Variants in DNM3 observed in about 807,000 individuals in gnomAD.
DNM3 encodes dynamin 3, also known as dynamin-3.
In DNM3, 47 loss-of-function variants were observed where a neutral mutation model predicts 101.6. The observed-to-expected ratio is 0.46, with a 90% CI of 0.37 to 0.59. The LOEUF is 0.59. Ranked by LOEUF, DNM3 falls within the 20% of genes least tolerant of loss-of-function variation. The pLI, the probability that DNM3 is intolerant of heterozygous loss-of-function variation, is 0.00. For synonymous variants in DNM3, 385 were observed against 387.9 expected, an observed-to-expected ratio of 0.99 and a Z score of 0.09; for missense variants, 849 against 1,085.7, an observed-to-expected ratio of 0.78 and a Z score of 3.06.
intron 15 of DNM3, among the ~76,000 whole-genome samples, chr1:172,293,771 G>C (rs978426426): frequency 6.6e-6 from 1 of 152,096 alleles, no homozygotes; most frequent in African/African-American, 2.4e-5. Flanking sequence ...GTTTCAACCA[G>C]ATAATTATTT....
intron 14 of DNM3, among the ~76,000 whole-genome samples, chr1:172,244,344 AT>A (rs1302375836): frequency 6.6e-6 from 1 of 152,198 alleles, no homozygotes; most frequent in Non-Finnish European, 1.5e-5. Flanking sequence ...ATGTGACAAA[AT>A]TGACAAATGG....
intron 13 of DNM3, among the ~76,000 whole-genome samples, chr1:172,123,246 C>T (rs1384135902): frequency 5.9e-5 from 9 of 152,150 alleles, no homozygotes; most frequent in African/African-American, 2.2e-4. Context: ...TATTTTGTGT[C>T]TCAATTTCAC....
intron 1 of DNM3, among the ~76,000 whole-genome samples, chr1:171,874,733 AGG>A (rs2035601981): frequency 1.3e-5 from 2 of 151,756 alleles, no homozygotes; most frequent in Admixed American, 6.6e-5. Flanking sequence ...CATGATGCTG[AGG>A]TTTGGAGTAT....
chr1:172,083,419 G>C (rs938194409), intron 12 of DNM3, among the ~76,000 whole-genome samples: 3 of 152,152 alleles, frequency 2.0e-5, no homozygotes, highest in African/African-American at 7.2e-5. Context: ...GAATTTAAAA[G>C]ACAAACAAAT....
chr1:172,062,285 C>A (rs1197689016), intron 10 of DNM3, among the ~76,000 whole-genome samples: 1 of 152,108 alleles, frequency 6.6e-6, no homozygotes, highest in Non-Finnish European at 1.5e-5. Flanking sequence ...GCCACCATGT[C>A]AACCCACCCT....
intron 6 of DNM3, among the ~76,000 whole-genome samples, chr1:172,036,269 T>A (rs908554307): frequency 6.7e-6 from 1 of 149,930 alleles, no homozygotes; most frequent in Non-Finnish European, 1.5e-5. Flanking sequence ...GGTTTTTTGT[T>A]CTTGCGATAG....
At chr1:172,172,597 G>A (rs2059003207) in intron 14 of DNM3, among the ~76,000 whole-genome samples, 1 of 151,666 alleles carries the variant, frequency 6.6e-6, no homozygotes, top group Admixed American at 6.6e-5. Flanking sequence ...GCAAAACCAT[G>A]AATAAGGGGA....
intron 4 of DNM3, among the ~76,000 whole-genome samples, chr1:171,998,529 T>C (rs1287823855): frequency 6.6e-6 from 1 of 152,140 alleles, no homozygotes; most frequent in Admixed American, 6.6e-5. Flanking sequence ...TAACAAATAA[T>C]GAATGCTCAC....
chr1:171,923,824 A>C (rs942458231), intron 2 of DNM3, among the ~76,000 whole-genome samples: 1 of 151,884 alleles, frequency 6.6e-6, no homozygotes, highest in Non-Finnish European at 1.5e-5. Flanking sequence ...TTCAACCTTC[A>C]CCCCTCTTCC....
chr1:172,350,227 A>C (rs1165201866), intron 17 of DNM3, among the ~76,000 whole-genome samples: 1 of 152,086 alleles, frequency 6.6e-6, no homozygotes, highest in Non-Finnish European at 1.5e-5. Flanking sequence ...GTGGCAGTTG[A>C]CTTGGAGTTT....
At chr1:172,263,505 A>T (rs1431885870) in intron 15 of DNM3, among the ~76,000 whole-genome samples, 1 of 152,190 alleles carries the variant, frequency 6.6e-6, no homozygotes, top group African/African-American at 2.4e-5. Context: ...TGGATAATTT[A>T]TAAAGAAAAA....
rs185779651 is a variant in DNM3, at chr1:172,162,919, T to C, written c.1659+31631T>C. Among the ~76,000 whole-genome samples the C allele has an allele frequency of 9.9e-4, 150 of 152,260 alleles. 1 individual carries two copies. The highest frequency in any genetic ancestry group is 3.5e-3 in the African/African-American group (145 of 41,586). On this transcript the variant is annotated intron_variant, in intron 14 of 20. Transcript: ENST00000627582. Reference sequence around the variant, plus strand: ...TGAAATCTTTTAAATATTCCTTTAATACAGAAGCATATATTCTTTTCAAGA... The same window carrying C: ...TGAAATCTTTTAAATATTCCTTTAACACAGAAGCATATATTCTTTTCAAGA...
chr1:172,074,135 C>T (rs2052440872), intron 11 of DNM3, among the ~76,000 whole-genome samples: 1 of 152,050 alleles, frequency 6.6e-6, no homozygotes, highest in Non-Finnish European at 1.5e-5. Context: ...GTGGATACAA[C>T]AGATGAGGTC....
chr1:172,073,361 G>A (rs77099488), intron 11 of DNM3, among the ~76,000 whole-genome samples: 10,369 of 151,932 alleles, frequency 0.068, 695 homozygotes, highest in East Asian at 0.17. Flanking sequence ...ATATGCATAT[G>A]TGTACATATT....
chr1:172,100,039 A>G (rs1049045035), intron 13 of DNM3, among the ~76,000 whole-genome samples: 1 of 152,180 alleles, frequency 6.6e-6, no homozygotes, highest in African/African-American at 2.4e-5. Context: ...CTGCAATTGT[A>G]TAACTGGAAA....
At chr1:172,064,854 T>A (rs983108782) in intron 10 of DNM3, among the ~76,000 whole-genome samples, 1 of 152,212 alleles carries the variant, frequency 6.6e-6, no homozygotes, top group Non-Finnish European at 1.5e-5. Flanking sequence ...TCCTCCTTTG[T>A]CTCCATAATG....
chr1:172,126,438 T>C (rs1396913750), intron 13 of DNM3, among the ~76,000 whole-genome samples: 1 of 152,236 alleles, frequency 6.6e-6, no homozygotes, highest in African/African-American at 2.4e-5. Context: ...TAATTATTTG[T>C]ATGTCCATTC....
At chr1:172,066,465 T>C (rs1485727408) in intron 10 of DNM3, among the ~76,000 whole-genome samples, 1 of 152,048 alleles carries the variant, frequency 6.6e-6, no homozygotes, top group African/African-American at 2.4e-5. Flanking sequence ...AGGTCGCTAG[T>C]CCTCTTCTTA....
At chr1:172,193,613 A>T (rs1208970524) in intron 14 of DNM3, among the ~76,000 whole-genome samples, 1 of 152,130 alleles carries the variant, frequency 6.6e-6, no homozygotes, top group South Asian at 2.1e-4. Flanking sequence ...CGAGGAATTT[A>T]TCCATTTCCT....
Sources: gnomAD v4.1 joint callset for allele counts (sites outside exome capture counted in the v4.1 genomes callset) on GRCh38, gnomAD v4.1.1 for gene constraint, MANE v1.5 for transcripts, NCBI Gene and HGNC (gene_info 2026-07-23, HGNC 2026-07-21) for gene names.